SKAP1: variants seen among roughly 807,000 people sequenced by gnomAD.
SKAP1 encodes the protein src kinase associated phosphoprotein 1.
SKAP1 carries 44 observed loss-of-function variants against 58.5 expected under a neutral mutation model. The observed-to-expected ratio is 0.75, with a 90% CI of 0.59 to 0.97. The LOEUF (loss-of-function observed/expected upper bound fraction) is 0.97, where lower values mean the gene tolerates loss of function less well. Ranked by LOEUF, SKAP1 falls within the 50% of genes least tolerant of loss-of-function variation. The probability of loss-of-function intolerance (pLI) is 0.00; values close to 1 mark genes in which losing one functional copy is unlikely to be tolerated. For synonymous variants in SKAP1, 127 were observed against 149.7 expected (o/e 0.85, Z 1.11); for missense variants, 390 against 435.2 (o/e 0.90, Z 0.92).
At chr17:48,166,911 C>G (rs2064147889) in intron 10 of SKAP1, among the ~76,000 whole-genome samples, 1 of 151,958 alleles carries the variant, frequency 6.6e-6, no homozygotes. Context: ...GTCACCCAGG[C>G]TGAAGTGCAG....
At chr17:48,346,854 C>A (rs534092045) in intron 3 of SKAP1, among the ~76,000 whole-genome samples, 3 of 152,088 alleles carry the variant, frequency 2.0e-5, no homozygotes, top group African/African-American at 7.2e-5. Context: ...TGTTCTGCAA[C>A]GTTAACAAAG....
chr17:48,307,963 T>C (rs988800674), intron 4 of SKAP1: 7 of 152,244 alleles, frequency 4.6e-5, no homozygotes, highest in South Asian at 2.1e-4. Context: ...ACTTTGAACA[T>C]AGCAAGTCCT....
Position 48,194,476 on chromosome 17 carries a change from G to A in SKAP1, c.281-4976C>T, listed in dbSNP as rs190336439. ...AGACACGAGAGCTTATGTGAGTCAC[G>A]GCCTATTTAACCAGCTGCGTTCTAG... is the stretch of plus-strand genomic sequence containing the variant. On this transcript the variant is annotated intron_variant, in intron 4 of 12. Coordinates refer to ENST00000336915, the MANE Select transcript of SKAP1 (RefSeq NM_003726.4). Among the ~76,000 whole-genome samples, 76 of 152,170 alleles carry A rather than the reference G, an allele frequency of 5.0e-4. 1 individual carries two copies. Among genetic ancestry groups the A allele is most frequent in the Admixed American group, 1.3e-3 (20 of 15,294 alleles).
At chr17:48,198,998 CT>C (rs932432735) in intron 4 of SKAP1, among the ~76,000 whole-genome samples, 2 of 152,138 alleles carry the variant, frequency 1.3e-5, no homozygotes, top group Non-Finnish European at 2.9e-5. Flanking sequence ...CGTATTCCCC[CT>C]GAGTCAGATC....
intron 1 of SKAP1, among the ~76,000 whole-genome samples, chr17:48,416,866 A>G (rs936119097): frequency 3.9e-5 from 6 of 152,150 alleles, no homozygotes; most frequent in African/African-American, 1.4e-4. Context: ...TAAATATATC[A>G]CTAAAATCAA....
intron 1 of SKAP1, among the ~76,000 whole-genome samples, chr17:48,405,393 CT>C (rs2067558083): frequency 6.5e-5 from 2 of 30,572 alleles, no homozygotes; most frequent in Admixed American, 4.0e-4. Flanking sequence ...TTTCTCTTTC[CT>C]TTCTTTCTTT....
intron 4 of SKAP1, among the ~76,000 whole-genome samples, chr17:48,258,455 C>A (rs1266665505): frequency 6.6e-6 from 1 of 152,066 alleles, no homozygotes; most frequent in Non-Finnish European, 1.5e-5. Context: ...GGAAGCCTTC[C>A]TTAAAGCATG....
chr17:48,277,311 A>G (rs12948128), intron 4 of SKAP1, among the ~76,000 whole-genome samples: 31,588 of 152,184 alleles, frequency 0.21, 3,292 homozygotes, highest in Admixed American at 0.22. Flanking sequence ...AAAACTAGAT[A>G]TTTCATACCT....
At chr17:48,228,119 A>C (rs2065088467) in intron 4 of SKAP1, among the ~76,000 whole-genome samples, 1 of 152,098 alleles carries the variant, frequency 6.6e-6, no homozygotes, top group Non-Finnish European at 1.5e-5. Flanking sequence ...CAGTATTGTT[A>C]AGATTGCAGG....
At chr17:48,171,093 GTTTTTTTTTTT>G (rs71141969) in intron 9 of SKAP1, among the ~76,000 whole-genome samples, 1 of 70,242 alleles carries the variant, frequency 1.4e-5, no homozygotes, top group African/African-American at 5.9e-5. Flanking sequence ...AATTACTGTT[GTTTTTTTTTTT>G]TTTTTTTTTT....
Position 48,353,976 on chromosome 17 carries a change from A to G in SKAP1, c.179-7970T>C, listed in dbSNP as rs1038962559. ...GAAGAAGAAGAGGAAGAAAAAGAAG[A>G]AGAAGAAGAAGACATGTTGTACAGG... is the stretch of plus-strand genomic sequence containing the variant. On this transcript the variant is annotated intron_variant, in intron 3 of 12. Transcript: ENST00000336915. 2.6e-5 allele frequency among the ~76,000 whole-genome samples: 4 copies of G among 152,124 alleles called. No homozygotes were observed. The South Asian group carries it at 8.3e-4, about 32-fold the overall frequency.
chr17:48,234,498 C>T (rs1391121950), intron 4 of SKAP1, among the ~76,000 whole-genome samples: 1 of 152,150 alleles, frequency 6.6e-6, no homozygotes, highest in East Asian at 1.9e-4. Flanking sequence ...GGCCATGTGT[C>T]ATCTGGCATG....
At chr17:48,274,191 T>C (rs1325352271) in intron 4 of SKAP1, among the ~76,000 whole-genome samples, 1 of 151,762 alleles carries the variant, frequency 6.6e-6, no homozygotes, top group African/African-American at 2.4e-5. Flanking sequence ...ATCCAAGAGT[T>C]TGAGACCAGC....
intron 4 of SKAP1, among the ~76,000 whole-genome samples, chr17:48,266,915 G>A (rs543339565): frequency 3.2e-4 from 49 of 152,292 alleles, no homozygotes; most frequent in Non-Finnish European, 5.6e-4. Context: ...AAGTGGAAAT[G>A]TCCAAATATA....
the SKAP1 span, among the ~76,000 whole-genome samples, chr17:48,444,754 A>T: frequency 6.6e-6 from 1 of 152,184 alleles, no homozygotes; most frequent in African/African-American, 2.4e-5. Flanking sequence ...TGAGCAGGTT[A>T]GCTTTCTTTC....
chr17:48,276,485 C>T (rs1421889870), intron 4 of SKAP1, among the ~76,000 whole-genome samples: 2 of 152,172 alleles, frequency 1.3e-5, no homozygotes, highest in Non-Finnish European at 2.9e-5. Flanking sequence ...GGGACTAGGT[C>T]TTATTCATCT....
the SKAP1 span, among the ~76,000 whole-genome samples, chr17:48,444,546 A>G: frequency 2.4e-3 from 371 of 152,334 alleles, 2 homozygotes; most frequent in African/African-American, 8.5e-3. Context: ...TTCATAAGGT[A>G]ACCTCTCTCT....
At chr17:48,396,874 A>G in intron 1 of SKAP1, 89 bp from the exon 2 acceptor site, 1 of 877,880 alleles carries the variant, frequency 1.1e-6, no homozygotes, top group Non-Finnish European at 1.9e-6. Flanking sequence ...ACATGTATAC[A>G]TATGTAACTA....
At chr17:48,391,046 G>C (rs899186615) in intron 2 of SKAP1, among the ~76,000 whole-genome samples, 11 of 152,110 alleles carry the variant, frequency 7.2e-5, no homozygotes, top group African/African-American at 2.7e-4. Flanking sequence ...CTCCAGTCTG[G>C]GTGACAGAAT....
Sources: gnomAD v4.1 joint callset for allele counts (sites outside exome capture counted in the v4.1 genomes callset) on GRCh38, gnomAD v4.1.1 for gene constraint, MANE v1.5 for transcripts, NCBI Gene and HGNC (gene_info 2026-07-23, HGNC 2026-07-21) for gene names.